The following HAPLN3 variants were observed in gnomAD, a reference collection of about 807,000 sequenced individuals.
HAPLN3 encodes extracellular link domain containing, 1.
A neutral mutation model predicts 28.1 loss-of-function variants in HAPLN3; 28 were observed. The ratio of observed to expected loss-of-function variants is 1.00; its 90% confidence interval spans 0.74 to 1.37. HAPLN3 has a LOEUF of 1.37. Ranked by LOEUF, HAPLN3 falls within the 40% of genes most tolerant of loss-of-function variation. The pLI is 0.00. For missense variants in HAPLN3, 513 were observed against 504.6 expected, an observed-to-expected ratio of 1.02 and a Z score of -0.16; for synonymous variants, 211 against 213.1, an observed-to-expected ratio of 0.99 and a Z score of 0.09.
chr15:88,878,504 C>T (rs1397895841), intron 4 of HAPLN3, among the ~76,000 whole-genome samples: 2 of 152,358 alleles, frequency 1.3e-5, no homozygotes, highest in South Asian at 4.1e-4. Context: ...GGTGGGTGGG[C>T]ACCCCACCTA....
At chr15:88,885,555 T>G (rs1305568239) in intron 2 of HAPLN3, among the ~76,000 whole-genome samples, 1 of 151,720 alleles carries the variant, frequency 6.6e-6, no homozygotes, top group African/African-American at 2.4e-5. Flanking sequence ...CCTCCCAGGT[T>G]CAAGCAATTC....
intron 1 of HAPLN3, among the ~76,000 whole-genome samples, chr15:88,891,868 C>T (rs546512579): frequency 8.3e-4 from 127 of 152,328 alleles, no homozygotes; most frequent in African/African-American, 1.6e-3. Context: ...AGGCTCCACA[C>T]CTGGAACCAG....
chr15:88,883,395 G>A (rs1897760252), intron 2 of HAPLN3, among the ~76,000 whole-genome samples: 2 of 152,220 alleles, frequency 1.3e-5, no homozygotes, highest in Non-Finnish European at 2.9e-5. Context: ...TGTAATCCAG[G>A]GAAGTCAAGA....
Position 88,881,751 on chromosome 15 carries a change from G to A in HAPLN3, c.125-26C>T, listed in dbSNP as rs376891443. On this transcript the variant is annotated intron_variant, in intron 2 of 4. Coordinates refer to ENST00000359595, the MANE Select transcript of HAPLN3 (RefSeq NM_178232.4). The surrounding 1 kb of genome is among the most constrained non-coding windows in gnomAD (Gnocchi z 6.0). ...CTTGGGGGAGAGACAGGGTGCAGAT[G>A]AGACCTGCTGAAGCACATCTGTACC... is the stretch of plus-strand genomic sequence containing the variant. 4.5e-5 allele frequency: 71 copies of A among 1,585,402 alleles called. No homozygotes were observed. The African/African-American group carries it at 8.9e-4, about 20-fold the overall frequency.
chr15:88,885,458 GTTTT>G (rs761060139), intron 2 of HAPLN3, among the ~76,000 whole-genome samples: 4 of 114,924 alleles, frequency 3.5e-5, no homozygotes, highest in African/African-American at 6.6e-5. Context: ...TGTTTTTTGT[GTTTT>G]TTTTTTTTTT....
chr15:88,892,362 C>A (rs891382928), intron 1 of HAPLN3, among the ~76,000 whole-genome samples: 1 of 151,898 alleles, frequency 6.6e-6, no homozygotes, highest in Non-Finnish European at 1.5e-5. Flanking sequence ...GAGGCTGAGG[C>A]AGGAGAATTG....
rs1236698576 is a variant in HAPLN3 at position 88,887,218 on chromosome 15, G to A, written c.81C>T (p.Ser27=). 4.3e-6 allele frequency: 7 copies of A among 1,614,078 alleles called. No homozygotes were observed. Among genetic ancestry groups the A allele is most frequent in the South Asian group, 3.3e-5 (3 of 91,086 alleles). The change falls in exon 2 of 5, where the codon TCC becomes TCT. Residue 27 remains serine, a synonymous_variant. Transcript: ENST00000359595. ...CTAGGTTCTGGTCGTTGGCGCTGTT[G>A]GAGTAGTAGAAGCCGTTGTAGAAGG... ...GLPFYNGFYY[S]NSANDQNLGN...
At chr15:88,878,545 C>T (rs962976226) in intron 4 of HAPLN3, among the ~76,000 whole-genome samples, 1 of 152,300 alleles carries the variant, frequency 6.6e-6, no homozygotes, top group East Asian at 1.9e-4. Context: ...CTTGCCCATT[C>T]GGTCATTTAC....
At chr15:88,891,624 C>T (rs959801589) in intron 1 of HAPLN3, among the ~76,000 whole-genome samples, 1 of 152,190 alleles carries the variant, frequency 6.6e-6, no homozygotes, top group African/African-American at 2.4e-5. Flanking sequence ...TACCACTACC[C>T]TGACATGTGA....
Position 88,879,103 on chromosome 15 carries a change from G to A in HAPLN3, c.660C>T (p.Ala220=), listed in dbSNP as rs767487109. Reference sequence around the variant, plus strand: ...GCAACATGATGGGGTACTGCACCGTGGCATCCTGCAGCCAGCCCGCGTTGC... The same window carrying A: ...GCAACATGATGGGGTACTGCACCGTAGCATCCTGCAGCCAGCCCGCGTTGC... ...DWCNAGWLQD[A]TVQYPIMLPR... Residue 220 remains alanine (A), a synonymous_variant, in exon 4 of 5, where the codon GCC becomes GCT. Coordinates refer to ENST00000359595, the MANE Select transcript of HAPLN3 (RefSeq NM_178232.4). The surrounding 1 kb of genome is among the most constrained non-coding windows in gnomAD (Gnocchi z 5.0). 2 of 1,612,446 alleles carry A rather than the reference G, an allele frequency of 1.2e-6. No individual in the cohort carries two copies. The highest frequency in any genetic ancestry group is 2.2e-5 in the East Asian group (1 of 44,862).
In HAPLN3 at chr15:88,881,596, C is replaced by G. The variant is rs764742514; in HGVS notation, c.254G>C (p.Arg85Pro). Residue 85 changes from arginine (R) to proline (P), a missense_variant, in exon 3 of 5, where the codon CGT (arginine) becomes CCT (proline). Arg to Pro is a moderately radical substitution (Grantham distance 103, BLOSUM62 -2). Transcript: ENST00000359595. This position sits in a 1 kb window ranked among gnomAD's most constrained non-coding sequence, Gnocchi z 6.0. ...EPALVSPRRVRVKWWKLSENG... is the reference protein window; with the variant it reads ...EPALVSPRRVPVKWWKLSENG... ...CTCCGACAGCTTCCACCATTTGACA[C>G]GCACACGCCGCGGGGAGACCAGGGC... 13 of 1,614,076 alleles carry G rather than the reference C, an allele frequency of 8.1e-6. No individual in the cohort carries two copies. In the South Asian group the frequency reaches 1.4e-4, roughly 18 times the overall value.
chr15:88,883,589 G>C (rs143431834), intron 2 of HAPLN3, among the ~76,000 whole-genome samples: 1 of 152,328 alleles, frequency 6.6e-6, no homozygotes, highest in East Asian at 1.9e-4. Flanking sequence ...TACCTTTGAA[G>C]CTTTAACCTG....
Position 88,893,037 on chromosome 15 carries a change from G to A in HAPLN3, c.-48+2422C>T, listed in dbSNP as rs762716415. 2.7e-5 allele frequency: 39 copies of A among 1,428,316 alleles called. 2 individuals are homozygous for A. In the South Asian group the frequency reaches 4.4e-4, roughly 16 times the overall value. The allele number at this position is 1,428,316 out of a possible 1,614,324, so 88.5% of individuals were successfully genotyped here. ...GTCTGGGCACTCAGACCTGGGCTCG[G>A]TATTGGAGCTGGACACACTGCATCC... is the stretch of plus-strand genomic sequence containing the variant. On this transcript the variant is annotated intron_variant, in intron 1 of 4. Transcript: ENST00000359595.
chr15:88,882,326 T>A (rs1032511356), intron 2 of HAPLN3, among the ~76,000 whole-genome samples: 9 of 152,118 alleles, frequency 5.9e-5, no homozygotes, highest in African/African-American at 1.7e-4. Context: ...TTGCTATGCA[T>A]AAAATCTAAC....
chr15:88,880,492 G>C lies in HAPLN3; in HGVS notation c.493+865C>G. 4 of 1,262,800 alleles carry C rather than the reference G, an allele frequency of 3.2e-6. No individual in the cohort carries two copies. The South Asian group carries it at 5.1e-5, about 16-fold the overall frequency. 78.2% of individuals were successfully genotyped at this position (1,262,800 alleles called of 1,614,324 possible). A position where few individuals can be genotyped will look rare whatever the true frequency, so the allele number is the denominator to read the frequency against. ...AGAGGCCCAGGGCTCTAAGGGGGAT[G>C]AGGCATTTACCCACATGTCATAGCT... On this transcript the variant is annotated intron_variant, in intron 3 of 4. Coordinates refer to ENST00000359595, the MANE Select transcript of HAPLN3 (RefSeq NM_178232.4). The surrounding 1 kb of genome is among the most constrained non-coding windows in gnomAD (Gnocchi z 6.0).
At chr15:88,891,876 C>T (rs1394451536) in intron 1 of HAPLN3, among the ~76,000 whole-genome samples, 1 of 152,128 alleles carries the variant, frequency 6.6e-6, no homozygotes, top group African/African-American at 2.4e-5. Flanking sequence ...CACCTGGAAC[C>T]AGGAGGGAAG....
intron 1 of HAPLN3, among the ~76,000 whole-genome samples, chr15:88,891,665 A>G (rs911692086): frequency 3.9e-5 from 6 of 152,226 alleles, no homozygotes; most frequent in Non-Finnish European, 7.3e-5. Context: ...TGCAGATGGA[A>G]AAACCAAGGC....
chr15:88,878,487 C>T (rs1054809018), intron 4 of HAPLN3, among the ~76,000 whole-genome samples: 2 of 152,224 alleles, frequency 1.3e-5, no homozygotes, highest in African/African-American at 2.4e-5. Context: ...CCACCCTTCC[C>T]TATTTAGGTG....
At chr15:88,890,777 CA>C (rs1897991485) in intron 1 of HAPLN3, among the ~76,000 whole-genome samples, 1 of 152,228 alleles carries the variant, frequency 6.6e-6, no homozygotes, top group African/African-American at 2.4e-5. Flanking sequence ...ATGGAAACCA[CA>C]GATTGAATGG....
Sources: allele counts gnomAD v4.1 joint callset (sites outside exome capture counted in the v4.1 genomes callset), GRCh38; gene constraint gnomAD v4.1.1; non-coding constraint Gnocchi (gnomAD v3.1); transcripts MANE v1.5; gene names NCBI Gene and HGNC (gene_info 2026-07-23, HGNC 2026-07-21).